Variants in PLCB4 observed in about 807,000 individuals in gnomAD.
PLCB4 encodes the protein 1-phosphatidylinositol 4,5-bisphosphate phosphodiesterase beta-4.
Under a neutral mutation model 178.8 loss-of-function variants are expected in PLCB4, and 77 were observed. The observed-to-expected ratio is 0.43, with a 90% CI of 0.36 to 0.52. The LOEUF is 0.52. PLCB4 is among the 20% of genes least tolerant of loss of function. The pLI is 0.00. For missense variants in PLCB4, 1,024 were observed against 1,453.4 expected, an observed-to-expected ratio of 0.70 and a Z score of 4.80; for synonymous variants, 496 against 490.8, an observed-to-expected ratio of 1.01 and a Z score of -0.14.
rs1045652386 is a variant in PLCB4 at position 9,448,851 on chromosome 20, C to T, written c.2881-4496C>T. Among the ~76,000 whole-genome samples, 5 of 152,034 alleles carry T rather than the reference C, an allele frequency of 3.3e-5. No individual in the cohort carries two copies. In the South Asian group the frequency reaches 8.3e-4, roughly 25 times the overall value. ...CAAGGAGAGCTTATTTCCAAACTTG[C>T]AGGTTAGCTACCAGATAGAAAGGAA... On this transcript the variant is annotated intron_variant, in intron 32 of 39. Coordinates refer to ENST00000378473, the MANE Select transcript of PLCB4 (RefSeq NM_001377142.1).
chr20:9,215,938 G>T (rs2093726149), intron 2 of PLCB4, among the ~76,000 whole-genome samples: 1 of 152,130 alleles, frequency 6.6e-6, no homozygotes, highest in South Asian at 2.1e-4. Flanking sequence ...CTGAGAATTT[G>T]TTTCTATGTC....
intron 20 of PLCB4, among the ~76,000 whole-genome samples, chr20:9,402,553 G>T (rs1466571525): frequency 2.6e-5 from 4 of 152,216 alleles, no homozygotes; most frequent in African/African-American, 4.8e-5. Flanking sequence ...TTAAAAGATT[G>T]CTGTGGTTGC....
At chr20:9,424,579 A>G (rs958725586) in intron 28 of PLCB4, among the ~76,000 whole-genome samples, 2 of 152,230 alleles carry the variant, frequency 1.3e-5, no homozygotes, top group Admixed American at 6.5e-5. Flanking sequence ...GAAATAGTAC[A>G]GCAGGATGAT....
At chr20:9,220,572 G>A (rs1051988783) in intron 3 of PLCB4, among the ~76,000 whole-genome samples, 12 of 152,196 alleles carry the variant, frequency 7.9e-5, no homozygotes, top group Non-Finnish European at 1.5e-5. Context: ...GGAGGCGGAG[G>A]TTTGCAGTGA....
intron 2 of PLCB4, among the ~76,000 whole-genome samples, chr20:9,192,274 GT>G (rs1223652945): frequency 6.6e-6 from 1 of 152,120 alleles, no homozygotes; most frequent in African/African-American, 2.4e-5. Context: ...TATCTCTGCT[GT>G]TACACCTTGT....
intron 2 of PLCB4, among the ~76,000 whole-genome samples, chr20:9,184,167 C>A (rs1295216963): frequency 6.6e-6 from 1 of 152,134 alleles, no homozygotes; most frequent in Admixed American, 6.5e-5. Context: ...CAACCCCCAC[C>A]ACCTTCTGCA....
intron 7 of PLCB4, among the ~76,000 whole-genome samples, chr20:9,340,753 C>G (rs905177910): frequency 1.3e-5 from 2 of 152,074 alleles, no homozygotes; most frequent in African/African-American, 4.8e-5. Flanking sequence ...AGCAGATATA[C>G]GCTGGACCTC....
chr20:9,356,073 C>T (rs954312406), intron 7 of PLCB4, among the ~76,000 whole-genome samples: 1 of 152,176 alleles, frequency 6.6e-6, no homozygotes, highest in Non-Finnish European at 1.5e-5. Flanking sequence ...TTTCATGTGT[C>T]TTTTGGCTGC....
intron 19 of PLCB4, among the ~76,000 whole-genome samples, chr20:9,400,297 G>A (rs2283634): frequency 0.35 from 53,908 of 151,886 alleles, 9,706 homozygotes; most frequent in African/African-American, 0.42. Flanking sequence ...AGATACCACT[G>A]TTTTATTATG....
At chr20:9,216,640 C>T (rs1233339212) in intron 2 of PLCB4, among the ~76,000 whole-genome samples, 1 of 150,202 alleles carries the variant, frequency 6.7e-6, no homozygotes, top group East Asian at 2.0e-4. Flanking sequence ...GCTAGGATTA[C>T]AGGCACGCAC....
chr20:9,084,517 T>TG (rs11087834), intron 1 of PLCB4, among the ~76,000 whole-genome samples: 73,724 of 151,594 alleles, frequency 0.49, 18,405 homozygotes, highest in Middle Eastern at 0.57. Context: ...ATTTTTTTTT[T>TG]TGTGTGGGGA....
At chr20:9,112,507 A>G (rs2091617700) in intron 2 of PLCB4, among the ~76,000 whole-genome samples, 1 of 150,018 alleles carries the variant, frequency 6.7e-6, no homozygotes. Flanking sequence ...GCCCACTTCG[A>G]CCTCCCAAAG....
intron 2 of PLCB4, among the ~76,000 whole-genome samples, chr20:9,126,071 C>T (rs561216254): frequency 6.6e-6 from 1 of 151,970 alleles, no homozygotes; most frequent in Non-Finnish European, 1.5e-5. Flanking sequence ...ATTGTACTAT[C>T]CATACTTTTT....
chr20:9,478,436 G>A (rs1194064282), intron 39 of PLCB4, among the ~76,000 whole-genome samples: 1 of 152,138 alleles, frequency 6.6e-6, no homozygotes, highest in Non-Finnish European at 1.5e-5. Flanking sequence ...CTATCAATTA[G>A]ATTTTTAGGG....
At chr20:9,280,085 C>T (rs1161924869) in intron 3 of PLCB4, among the ~76,000 whole-genome samples, 1 of 151,930 alleles carries the variant, frequency 6.6e-6, no homozygotes, top group Non-Finnish European at 1.5e-5. Flanking sequence ...TTGTAATAAG[C>T]CAAGATGGGG....
At chr20:9,255,613 C>G (rs1207417742) in intron 3 of PLCB4, among the ~76,000 whole-genome samples, 1 of 151,122 alleles carries the variant, frequency 6.6e-6, no homozygotes, top group Admixed American at 6.6e-5. Flanking sequence ...TTTATTTATC[C>G]CACTTAGAGT....
intron 28 of PLCB4, among the ~76,000 whole-genome samples, chr20:9,434,347 A>G (rs1312582949): frequency 1.3e-5 from 2 of 152,092 alleles, no homozygotes; most frequent in Non-Finnish European, 2.9e-5. Flanking sequence ...AATGTTTACC[A>G]TGTGCAGATG....
chr20:9,123,731 T>C (rs888927519), intron 2 of PLCB4, among the ~76,000 whole-genome samples: 6 of 152,078 alleles, frequency 3.9e-5, no homozygotes, highest in African/African-American at 1.4e-4. Context: ...TAGGTAGTTG[T>C]TGATCACAGA....
At chr20:9,237,345 GAT>G (rs2094004730) in intron 3 of PLCB4, among the ~76,000 whole-genome samples, 1 of 151,978 alleles carries the variant, frequency 6.6e-6, no homozygotes, top group African/African-American at 2.4e-5. Context: ...TGCAGCATGA[GAT>G]AACCAAAGTG....
Sources: allele counts gnomAD v4.1 joint callset (sites outside exome capture counted in the v4.1 genomes callset), GRCh38; gene constraint gnomAD v4.1.1; transcripts MANE v1.5; gene names NCBI Gene and HGNC (gene_info 2026-07-23, HGNC 2026-07-21).